EML5: variants seen among roughly 807,000 people sequenced by gnomAD.
The protein encoded by EML5 is EMAP like 5.
Under a neutral mutation model 250.0 loss-of-function variants are expected in EML5, and 120 were observed. The observed-to-expected ratio is 0.48, with a 90% CI of 0.41 to 0.56. The LOEUF (loss-of-function observed/expected upper bound fraction) is 0.56, where lower values mean the gene tolerates loss of function less well. EML5 is among the 20% of genes least tolerant of loss of function. The pLI, the probability that EML5 is intolerant of heterozygous loss-of-function variation, is 0.00. For synonymous variants in EML5, 771 were observed against 806.5 expected (o/e 0.96, Z 0.75); for missense variants, 2,006 against 2,437.6 (o/e 0.82, Z 3.73).
chr14:88,731,151 T>C (rs1036263105), intron 7 of EML5, among the ~76,000 whole-genome samples: 1 of 152,080 alleles, frequency 6.6e-6, no homozygotes, highest in Non-Finnish European at 1.5e-5. Flanking sequence ...ACATGCGCCA[T>C]GTTGGTGTGC....
At chr14:88,736,863 T>C (rs2140206493) in intron 6 of EML5, among the ~76,000 whole-genome samples, 1 of 152,130 alleles carries the variant, frequency 6.6e-6, no homozygotes, top group Non-Finnish European at 1.5e-5. Flanking sequence ...TGAGGGGTGC[T>C]TTTTTTAAGC....
chr14:88,715,274 A>C, intron 8 of EML5, 79 bp from the exon 9 acceptor site: 1 of 1,351,454 alleles, frequency 7.4e-7, no homozygotes. Flanking sequence ...GTCTAAAATG[A>C]CCGTGAAGCT....
At chr14:88,689,795 A>G (rs2092917481) in intron 17 of EML5, among the ~76,000 whole-genome samples, 1 of 152,214 alleles carries the variant, frequency 6.6e-6, no homozygotes, top group African/African-American at 2.4e-5. Flanking sequence ...GCACTATTCA[A>G]TGTACCAGGC....
In EML5 at chr14:88,739,076, G is replaced by A. The variant is rs532157176; in HGVS notation, c.712-62C>T. On this transcript the variant is annotated intron_variant, in intron 5 of 43. Transcript: ENST00000554922. ...TTTTTAAGAACATCTACTATATGAA[G>A]GTAGAAACCCTTTTAAACCAATTTA... 1.4e-5 allele frequency: 20 copies of A among 1,453,766 alleles called. No individual in the cohort carries two copies. In the South Asian group the frequency reaches 2.0e-4, roughly 15 times the overall value. The allele number at this position is 1,453,766 out of a possible 1,614,324, so 90.1% of individuals were successfully genotyped here.
chr14:88,766,274 C>T (rs2094318877), intron 1 of EML5, among the ~76,000 whole-genome samples: 1 of 152,168 alleles, frequency 6.6e-6, no homozygotes, highest in Non-Finnish European at 1.5e-5. Flanking sequence ...GTCTGGCTGC[C>T]TGAGAGCTGG....
chr14:88,625,012 G>C lies in EML5; in HGVS notation c.4856C>G (p.Thr1619Ser). 6.2e-7 allele frequency: 1 copy of C among 1,613,718 alleles called. No homozygotes were observed. Among genetic ancestry groups the C allele is most frequent in the Non-Finnish European group, 8.5e-7 (1 of 1,179,710 alleles). ...AGTCACGATAAGTCCATCTCGCAGGGTGGTGTACATGGCAAACACAGGCCC... is the reference window on the plus strand; with the variant it reads ...AGTCACGATAAGTCCATCTCGCAGGCTGGTGTACATGGCAAACACAGGCCC... ...HNGPVFAMYT[T>S]LRDGLIVTGG... is the part of the protein sequence containing the mutation. The change falls in exon 36 of 44, where the codon ACC becomes AGC. Residue 1619 changes from threonine (T) to serine (S), a missense_variant. This residue lies in a region of EML5 where 405 missense variants were observed against 523.3 expected (regional missense o/e 0.77). Transcript: ENST00000554922.
At chr14:88,742,100 C>A (rs1188647861) in intron 4 of EML5, among the ~76,000 whole-genome samples, 1 of 152,056 alleles carries the variant, frequency 6.6e-6, no homozygotes, top group African/African-American at 2.4e-5. Context: ...AAATGGGATG[C>A]CTGGACTCCC....
chr14:88,617,644 A>T (rs1056946351), intron 41 of EML5: 1 of 152,124 alleles, frequency 6.6e-6, no homozygotes, highest in Non-Finnish European at 1.5e-5. Context: ...AATTAAAAAA[A>T]TTTCAGAGAT....
chr14:88,699,857 G>A (rs977018533), intron 14 of EML5, among the ~76,000 whole-genome samples: 1 of 152,048 alleles, frequency 6.6e-6, no homozygotes, highest in African/African-American at 2.4e-5. Flanking sequence ...AGGTTTGGAA[G>A]GGAAGATTAA....
intron 25 of EML5, among the ~76,000 whole-genome samples, chr14:88,661,409 T>TA (rs2092096541): frequency 6.6e-6 from 1 of 152,186 alleles, no homozygotes; most frequent in African/African-American, 2.4e-5. Flanking sequence ...ATGTTTCTTG[T>TA]AAAAGGGATA....
At chr14:88,691,908 A>C (rs2092967643) in intron 17 of EML5, among the ~76,000 whole-genome samples, 1 of 152,210 alleles carries the variant, frequency 6.6e-6, no homozygotes, top group East Asian at 1.9e-4. Context: ...TTAAGAAAGA[A>C]AGTTATTCAT....
At chr14:88,646,926 A>C in intron 29 of EML5, 21 bp downstream of exon 29, 1 of 1,590,008 alleles carries the variant, frequency 6.3e-7, no homozygotes, top group African/African-American at 1.3e-5. Flanking sequence ...GGCTTTGTAA[A>C]CACAGCAAAG....
intron 17 of EML5, among the ~76,000 whole-genome samples, chr14:88,693,152 CTT>C (rs898651054): frequency 6.6e-6 from 1 of 151,508 alleles, no homozygotes; most frequent in Non-Finnish European, 1.5e-5. Context: ...TAGAACATGT[CTT>C]TAACAGAAGA....
At chr14:88,634,099 T>C (rs2090591085) in intron 33 of EML5, among the ~76,000 whole-genome samples, 2 of 152,170 alleles carry the variant, frequency 1.3e-5, no homozygotes, top group Admixed American at 1.3e-4. Context: ...AGGGGCCTGG[T>C]GGGAGGTGAT....
intron 8 of EML5, among the ~76,000 whole-genome samples, chr14:88,716,656 G>A (rs2093498828): frequency 6.6e-6 from 1 of 151,878 alleles, no homozygotes; most frequent in Non-Finnish European, 1.5e-5. Flanking sequence ...TTTGTTTAGA[G>A]ACTTAATTGC....
At chr14:88,767,565 T>C (rs534460151) in intron 1 of EML5, among the ~76,000 whole-genome samples, 1 of 152,326 alleles carries the variant, frequency 6.6e-6, no homozygotes, top group African/African-American at 2.4e-5. Context: ...ATTGTTACAC[T>C]GTAAGAGTTC....
At chr14:88,747,241 G>A (rs1454221699) in intron 2 of EML5, among the ~76,000 whole-genome samples, 1 of 151,928 alleles carries the variant, frequency 6.6e-6, no homozygotes, top group African/African-American at 2.4e-5. Context: ...TTGAAACCCC[G>A]TCTCTACTAA....
chr14:88,671,657 A>C (rs2092465884), intron 21 of EML5, among the ~76,000 whole-genome samples: 1 of 152,236 alleles, frequency 6.6e-6, no homozygotes, highest in African/African-American at 2.4e-5. Flanking sequence ...CAAGAGATCT[A>C]TCTCATGTGT....
rs539728426 is a variant in EML5 at position 88,629,413 on chromosome 14, G to T, written c.4358-1594C>A. Among the ~76,000 whole-genome samples, 17 of 152,294 alleles carry T rather than the reference G, an allele frequency of 1.1e-4. No homozygotes were observed. The South Asian group carries it at 3.3e-3, about 30-fold the overall frequency. On this transcript the variant is annotated intron_variant, in intron 33 of 43. Coordinates refer to ENST00000554922, the MANE Select transcript of EML5 (RefSeq NM_183387.3). ...TTTATGTTTTAAAACGTATAGGTACGTAAGGTAATGGAATTGTCACACACT... is the reference window on the plus strand; with the variant it reads ...TTTATGTTTTAAAACGTATAGGTACTTAAGGTAATGGAATTGTCACACACT...
Sources: gnomAD v4.1 joint callset for allele counts (sites outside exome capture counted in the v4.1 genomes callset) on GRCh38, gnomAD v4.1.1 for gene constraint, gnomAD v4.1.1 regional missense constraint, MANE v1.5 for transcripts, NCBI Gene and HGNC (gene_info 2026-07-23, HGNC 2026-07-21) for gene names.